ENOX2: variants seen among roughly 807,000 people sequenced by gnomAD.
ENOX2 encodes the protein APK1 antigen.
A neutral mutation model predicts 45.0 loss-of-function variants in ENOX2; 36 were observed. The observed-to-expected ratio is 0.80, with a 90% confidence interval of 0.61 to 1.06. The LOEUF (loss-of-function observed/expected upper bound fraction) is 1.06. Ranked by LOEUF, ENOX2 falls within the 50% of genes least tolerant of loss-of-function variation. The probability of loss-of-function intolerance (pLI) is 0.00; values close to 1 mark genes in which losing one functional copy is unlikely to be tolerated. For missense variants in ENOX2, 423 were observed against 462.5 expected (o/e 0.91, Z 0.78); for synonymous variants, 174 against 152.3 (o/e 1.14, Z -1.05).
intron 2 of ENOX2, among the ~76,000 whole-genome samples, chrX:130,850,825 T>A (rs1186435867): frequency 8.9e-6 from 1 of 112,352 alleles, no homozygotes; most frequent in African/African-American, 3.2e-5. Context: ...CCACTACTAG[T>A]GGGAAGAGAG....
intron 10 of ENOX2, among the ~76,000 whole-genome samples, chrX:130,643,236 C>T (rs1021106850): frequency 9.1e-6 from 1 of 109,985 alleles, no homozygotes; most frequent in African/African-American, 3.3e-5. Flanking sequence ...ATAATATGTT[C>T]AATTAAAAAT....
rs146236199 is a variant in ENOX2, at chrX:130,826,707, T to C, written c.-182-43017A>G. Among the ~76,000 whole-genome samples the C allele has an allele frequency of 2.6e-3, 296 of 112,264 alleles. 1 individual carries two copies. Among genetic ancestry groups the C allele is most frequent in the Admixed American group, 5.7e-3 (60 of 10,550 alleles). ...ACATATACAACTGAAAGCTTGTTAG[T>C]AGCTAGAGCTCAGTGAAGGAAGAAA... On this transcript the variant is annotated intron_variant, in intron 2 of 14. Transcript: ENST00000394363.
At chrX:130,647,064 T>C (rs1401984395) in intron 10 of ENOX2, among the ~76,000 whole-genome samples, 1 of 112,430 alleles carries the variant, frequency 8.9e-6, no homozygotes, top group Non-Finnish European at 1.9e-5. Context: ...TCCCTCAGTT[T>C]CTTTTCTAGT....
chrX:130,837,618 C>A (rs1247611158), intron 2 of ENOX2, among the ~76,000 whole-genome samples: 1 of 111,420 alleles, frequency 9.0e-6, no homozygotes, highest in Non-Finnish European at 1.9e-5. Context: ...GAAAGGTTTT[C>A]CCCTATATGC....
At chrX:130,626,404 A>T (rs1016356061) in intron 14 of ENOX2, among the ~76,000 whole-genome samples, 9 of 112,321 alleles carry the variant, frequency 8.0e-5, no homozygotes, top group Non-Finnish European at 1.5e-4. Flanking sequence ...CACTTGCAGG[A>T]AAGGGTCTGA....
chrX:130,829,436 G>C (rs1298665507), intron 2 of ENOX2, among the ~76,000 whole-genome samples: 1 of 111,426 alleles, frequency 9.0e-6, no homozygotes, highest in Non-Finnish European at 1.9e-5. Context: ...GCAGACTCAG[G>C]ATTCAAACCA....
chrX:130,747,894 G>A (rs932462134), intron 3 of ENOX2, among the ~76,000 whole-genome samples: 1 of 112,006 alleles, frequency 8.9e-6, no homozygotes, highest in East Asian at 2.8e-4. Flanking sequence ...GGAGGCCTGC[G>A]GGCAATTCAG....
chrX:130,626,244 G>C (rs2035543990), intron 14 of ENOX2, among the ~76,000 whole-genome samples: 1 of 112,222 alleles, frequency 8.9e-6, no homozygotes, highest in Non-Finnish European at 1.9e-5. Flanking sequence ...TAGGCTAGGA[G>C]GGCAGTTATG....
intron 10 of ENOX2, among the ~76,000 whole-genome samples, chrX:130,649,726 T>C (rs1041650472): frequency 3.6e-5 from 4 of 112,446 alleles, no homozygotes; most frequent in Non-Finnish European, 7.5e-5. Context: ...TTTGTGTCTC[T>C]TGGATTCCAA....
At chrX:130,744,184 G>A (rs1390570850) in intron 3 of ENOX2, among the ~76,000 whole-genome samples, 1 of 112,285 alleles carries the variant, frequency 8.9e-6, no homozygotes, top group Non-Finnish European at 1.9e-5. Flanking sequence ...TGTCAGGAAT[G>A]TGTCATATGC....
chrX:130,898,736 CTT>C (rs58534541), intron 2 of ENOX2, among the ~76,000 whole-genome samples: 9 of 95,278 alleles, frequency 9.4e-5, no homozygotes, highest in Admixed American at 1.1e-4. Flanking sequence ...TCTTTTTTTT[CTT>C]TTTTTTTTTT....
At chrX:130,759,736 G>A (rs2039437359) in intron 3 of ENOX2, among the ~76,000 whole-genome samples, 1 of 109,812 alleles carries the variant, frequency 9.1e-6, no homozygotes, top group Non-Finnish European at 1.9e-5. Context: ...TGTGTAGACT[G>A]ATTCTTCCCA....
At chrX:130,772,932 T>C (rs773736602) in intron 3 of ENOX2, among the ~76,000 whole-genome samples, 6 of 112,344 alleles carry the variant, frequency 5.3e-5, no homozygotes, top group African/African-American at 1.9e-4. Flanking sequence ...CAGTAAATAT[T>C]TGCTCTTATT....
At chrX:130,896,848 T>C (rs1423131951) in intron 2 of ENOX2, among the ~76,000 whole-genome samples, 3 of 112,214 alleles carry the variant, frequency 2.7e-5, no homozygotes, top group Non-Finnish European at 3.8e-5. Flanking sequence ...TTCAGGATCC[T>C]GAATGACCAC....
At chrX:130,893,045 T>C (rs1603381245) in intron 2 of ENOX2, among the ~76,000 whole-genome samples, 1 of 111,962 alleles carries the variant, frequency 8.9e-6, no homozygotes, top group African/African-American at 3.2e-5. Context: ...GAAAGGGGTA[T>C]GGCTTATTCA....
At chrX:130,651,134 T>C (rs1003014209) in intron 10 of ENOX2, among the ~76,000 whole-genome samples, 1 of 111,840 alleles carries the variant, frequency 8.9e-6, no homozygotes, top group Admixed American at 9.5e-5. Context: ...GAATAAGACC[T>C]ATTGGGGTGG....
At chrX:130,859,083 G>T (rs958447324) in intron 2 of ENOX2, among the ~76,000 whole-genome samples, 29 of 112,406 alleles carry the variant, frequency 2.6e-4, no homozygotes, top group African/African-American at 9.1e-4. Flanking sequence ...ATCCCAGCAC[G>T]TTGGGAGGCC....
In ENOX2 at chrX:130,680,689, G is replaced by A. The variant is rs141365893; in HGVS notation, c.254-941C>T. ...GTTTTCTAGTGTTGGTTTTGTATCC[G>A]CAAGGATTTATTTTGTGTAATCCAT... On this transcript the variant is annotated intron_variant, in intron 5 of 14. Transcript: ENST00000394363. 1.9e-3 allele frequency among the ~76,000 whole-genome samples: 213 copies of A among 112,532 alleles called. 1 individual carries two copies. Among genetic ancestry groups the A allele is most frequent in the African/African-American group, 6.5e-3 (201 of 31,023 alleles).
chrX:130,850,999 T>C lies in ENOX2; in HGVS notation c.-183+50685A>G, dbSNP rs1427725706. On this transcript the variant is annotated intron_variant, in intron 2 of 14. Transcript: ENST00000394363. ...GGCAGATAATTTGATGGAGAGCTTA[T>C]TGGAGACAGCTCATTTGAGTAAAAG... Among the ~76,000 whole-genome samples, 5 of 112,566 alleles carry C rather than the reference T, an allele frequency of 4.4e-5. No individual in the cohort carries two copies. The Admixed American group carries it at 4.7e-4, about 11-fold the overall frequency.
Sources: allele counts gnomAD v4.1 joint callset (sites outside exome capture counted in the v4.1 genomes callset), GRCh38; gene constraint gnomAD v4.1.1; transcripts MANE v1.5; gene names NCBI Gene and HGNC (gene_info 2026-07-23, HGNC 2026-07-21).